The following PRPF18 variants were observed in gnomAD, a reference collection of about 807,000 sequenced individuals.
PRPF18 encodes the protein pre-mRNA processing factor 18.
A neutral mutation model predicts 46.5 loss-of-function variants in PRPF18; 38 were observed. The ratio of observed to expected loss-of-function variants is 0.82; its 90% confidence interval spans 0.63 to 1.07. The LOEUF is 1.07. PRPF18 is among the 50% of genes least tolerant of loss of function. The probability of loss-of-function intolerance (pLI) is 0.00; values close to 1 mark genes in which losing one functional copy is unlikely to be tolerated. For synonymous variants in PRPF18, 152 were observed against 146.7 expected (o/e 1.04, Z -0.26); for missense variants, 263 against 410.0 (o/e 0.64, Z 3.10).
chr10:13,622,913 C>T (rs760933846), intron 9 of PRPF18, among the ~76,000 whole-genome samples: 5 of 152,054 alleles, frequency 3.3e-5, no homozygotes, highest in African/African-American at 1.2e-4. Context: ...AAAGAGTTCC[C>T]ACAGGCCGGG....
chr10:13,617,692 T>C (rs2080366284), intron 9 of PRPF18, among the ~76,000 whole-genome samples: 1 of 152,254 alleles, frequency 6.6e-6, no homozygotes, highest in Admixed American at 6.5e-5. Flanking sequence ...ACATTTCTTA[T>C]AAACAGTAAT....
At chr10:13,609,732 A>G (rs1200700181) in intron 4 of PRPF18, among the ~76,000 whole-genome samples, 1 of 152,236 alleles carries the variant, frequency 6.6e-6, no homozygotes, top group Non-Finnish European at 1.5e-5. Context: ...ACTAAGCCTC[A>G]TTAGAAAATT....
intron 5 of PRPF18, among the ~76,000 whole-genome samples, chr10:13,610,577 T>A (rs1181908131): frequency 6.6e-6 from 1 of 152,226 alleles, no homozygotes; most frequent in African/African-American, 2.4e-5. Context: ...CTGTGTACAC[T>A]GAATCCTTTG....
chr10:13,610,888 G>A (rs1455700341), intron 5 of PRPF18, among the ~76,000 whole-genome samples: 1 of 152,172 alleles, frequency 6.6e-6, no homozygotes, highest in East Asian at 1.9e-4. Flanking sequence ...GCAATATCTT[G>A]CTGTCTGATT....
At chr10:13,589,443 TAATAAA>T (rs2079926131) in intron 1 of PRPF18, among the ~76,000 whole-genome samples, 1 of 152,226 alleles carries the variant, frequency 6.6e-6, no homozygotes, top group African/African-American at 2.4e-5. Flanking sequence ...GATCAAGACT[TAATAAA>T]AATAGTAATT....
At chr10:13,592,001 A>T in intron 1 of PRPF18, 1 of 822,930 alleles carries the variant, frequency 1.2e-6, no homozygotes, top group Non-Finnish European at 1.9e-6. Flanking sequence ...TAGGCATTTT[A>T]TGAAGTTTAA....
chr10:13,618,333 A>G (rs976972203), intron 9 of PRPF18, among the ~76,000 whole-genome samples: 1 of 152,140 alleles, frequency 6.6e-6, no homozygotes, highest in Admixed American at 6.5e-5. Flanking sequence ...AGTGGATATA[A>G]AAAAGAATTA....
intron 5 of PRPF18, among the ~76,000 whole-genome samples, chr10:13,611,316 C>T (rs768522900): frequency 4.3e-4 from 65 of 151,238 alleles, no homozygotes; most frequent in South Asian, 2.7e-3. Context: ...TTAGTATATT[C>T]ACATGGTGGT....
rs989256882 is a variant in PRPF18, at chr10:13,623,852, A to G, written c.949-6408A>G. On this transcript the variant is annotated intron_variant, in intron 9 of 9. Coordinates refer to ENST00000378572, the MANE Select transcript of PRPF18 (RefSeq NM_003675.4). Reference sequence around the variant, plus strand: ...ATATCATGCTATGATACACCAAACTATATCTGTATCTGATATTTGTATATC... The same window carrying G: ...ATATCATGCTATGATACACCAAACTGTATCTGTATCTGATATTTGTATATC... 8.5e-5 allele frequency among the ~76,000 whole-genome samples: 13 copies of G among 152,330 alleles called. No homozygotes were observed. In the East Asian group the frequency reaches 1.2e-3, roughly 14 times the overall value.
chr10:13,612,622 C>CTT (rs61113168), intron 6 of PRPF18, among the ~76,000 whole-genome samples: 1,484 of 76,128 alleles, frequency 0.019, 102 homozygotes, highest in African/African-American at 0.05. Flanking sequence ...AGGGTTCTAG[C>CTT]TTTTTTTTTT....
At chr10:13,643,568 T>C in the PRPF18 span, 4 of 152,568 alleles carry the variant, frequency 2.6e-5, no homozygotes, top group African/African-American at 7.2e-5. Flanking sequence ...AGCAAGCTCA[T>C]AAAAATGCCA....
intron 5 of PRPF18, among the ~76,000 whole-genome samples, chr10:13,611,187 C>CTTTTTTTTTTT (rs35441441): frequency 8.3e-6 from 1 of 120,978 alleles, no homozygotes; most frequent in African/African-American, 3.1e-5. Context: ...CAGTTGTGGG[C>CTTTTTTTTTTT]TTTTTTTTTT....
At chr10:13,629,259 T>C (rs2080557534) in intron 9 of PRPF18, among the ~76,000 whole-genome samples, 2 of 152,212 alleles carry the variant, frequency 1.3e-5, no homozygotes, top group Non-Finnish European at 2.9e-5. Context: ...GTTGCCAAGA[T>C]ACAGAACAAA....
chr10:13,593,749 A>G (rs879064742), intron 1 of PRPF18, among the ~76,000 whole-genome samples: 2 of 152,212 alleles, frequency 1.3e-5, no homozygotes, highest in Non-Finnish European at 2.9e-5. Context: ...GAAAGGACCA[A>G]TGAAGATCCA....
At chr10:13,603,024 G>A (rs1360304928) in intron 3 of PRPF18, among the ~76,000 whole-genome samples, 1 of 152,224 alleles carries the variant, frequency 6.6e-6, no homozygotes, top group African/African-American at 2.4e-5. Flanking sequence ...GGGCCACTGC[G>A]CCTGGCCTAG....
the PRPF18 span, among the ~76,000 whole-genome samples, chr10:13,638,299 C>CTTTTTTT: frequency 8.0e-6 from 1 of 125,036 alleles, no homozygotes; most frequent in Non-Finnish European, 1.7e-5. Context: ...CTTGGCTTTT[C>CTTTTTTT]TTTTTTTTTT....
At chr10:13,623,123 C>T (rs1435358540) in intron 9 of PRPF18, among the ~76,000 whole-genome samples, 2 of 152,118 alleles carry the variant, frequency 1.3e-5, no homozygotes, top group Non-Finnish European at 2.9e-5. Context: ...ATGGCATGAA[C>T]CCTGGAGGCG....
chr10:13,605,531 G>T lies in PRPF18; in HGVS notation c.250-100G>T, dbSNP rs1020768665. 28 of 1,234,686 alleles carry T rather than the reference G, an allele frequency of 2.3e-5. No individual in the cohort carries two copies. The African/African-American group carries it at 4.4e-4, about 19-fold the overall frequency. 76.5% of individuals were successfully genotyped at this position (1,234,686 alleles called of 1,614,324 possible). A position where few individuals can be genotyped will look rare whatever the true frequency, so the allele number is the denominator to read the frequency against. On this transcript the variant is annotated intron_variant, in intron 3 of 9. Transcript: ENST00000378572. The stretch of plus-strand genomic sequence containing the variant: ...TGGGAGGCGGAGCTTGCAGTGAGCC[G>T]AGATCGCACCACTGCACTCCAGCCT...
At chr10:13,606,733 C>CAAA (rs34162273) in intron 4 of PRPF18, among the ~76,000 whole-genome samples, 10 of 73,010 alleles carry the variant, frequency 1.4e-4, no homozygotes, top group Non-Finnish European at 1.5e-4. Flanking sequence ...GACTCCTTCT[C>CAAA]AAAAAAAAAA....
Sources: gnomAD v4.1 joint callset for allele counts (sites outside exome capture counted in the v4.1 genomes callset) on GRCh38, gnomAD v4.1.1 for gene constraint, MANE v1.5 for transcripts, NCBI Gene and HGNC (gene_info 2026-07-23, HGNC 2026-07-21) for gene names.